Variants in GALNT3 observed in about 807,000 individuals in gnomAD.
GALNT3 encodes the protein GalNAc transferase 3.
In GALNT3, 51 loss-of-function variants were observed where a neutral mutation model predicts 69.8. The ratio of observed to expected loss-of-function variants is 0.73; its 90% confidence interval spans 0.58 to 0.92. The LOEUF is 0.92. Ranked by LOEUF, GALNT3 falls within the 40% of genes least tolerant of loss-of-function variation. The probability of loss-of-function intolerance (pLI) is 0.00; values close to 1 mark genes in which losing one functional copy is unlikely to be tolerated. For synonymous variants in GALNT3, 265 were observed against 248.5 expected (o/e 1.07, Z -0.63); for missense variants, 711 against 760.0 (o/e 0.94, Z 0.76).
intron 2 of GALNT3, among the ~76,000 whole-genome samples, chr2:165,767,622 G>A (rs1688666641): frequency 1.3e-5 from 2 of 152,118 alleles, no homozygotes; most frequent in South Asian, 2.1e-4. Flanking sequence ...TTAAATGTAT[G>A]CTTTGAAAAT....
intron 1 of GALNT3, among the ~76,000 whole-genome samples, chr2:165,776,141 C>T (rs1388062788): frequency 2.0e-5 from 3 of 151,902 alleles, no homozygotes; most frequent in African/African-American, 7.3e-5. Flanking sequence ...AAGACATAAG[C>T]CAAAAGATAC....
At chr2:165,794,429 T>G (rs183553593), upstream of GALNT3, 1 of 152,584 alleles carries the variant, frequency 6.6e-6, no homozygotes, top group Non-Finnish European at 1.5e-5. Flanking sequence ...TCGGCGAGGC[T>G]GCTGCTCCGC....
intron 10 of GALNT3, 90 bp downstream of exon 10, chr2:165,749,652 A>G (rs745565747): frequency 1.3e-5 from 14 of 1,100,360 alleles, no homozygotes; most frequent in Non-Finnish European, 2.0e-5. Flanking sequence ...GATAGATAAT[A>G]TTAATGTACC....
At chr2:165,781,982 A>G (rs931942622) in intron 1 of GALNT3, among the ~76,000 whole-genome samples, 1 of 152,158 alleles carries the variant, frequency 6.6e-6, no homozygotes, top group African/African-American at 2.4e-5. Context: ...TTTGATAAAG[A>G]TATTACATCT....
intron 1 of GALNT3, among the ~76,000 whole-genome samples, chr2:165,787,871 T>C (rs1683255966): frequency 6.6e-6 from 1 of 152,164 alleles, no homozygotes; most frequent in African/African-American, 2.4e-5. Flanking sequence ...TTTTCACTTT[T>C]AAATGATAAA....
chr2:165,779,935 T>C (rs1008044928), intron 1 of GALNT3, among the ~76,000 whole-genome samples: 7 of 152,186 alleles, frequency 4.6e-5, no homozygotes, highest in African/African-American at 1.2e-4. Flanking sequence ...CAAATCCATA[T>C]GTAGAATACT....
chr2:165,760,520 G>A (rs563935658), intron 4 of GALNT3, among the ~76,000 whole-genome samples: 1 of 152,314 alleles, frequency 6.6e-6, no homozygotes, highest in Admixed American at 6.5e-5. Context: ...AGTGGGTAGT[G>A]GGTAAGAATG....
intron 9 of GALNT3, among the ~76,000 whole-genome samples, chr2:165,754,365 C>T (rs921450148): frequency 1.2e-4 from 16 of 137,110 alleles, no homozygotes; most frequent in South Asian, 2.4e-4. Flanking sequence ...GCTGGGATTA[C>T]AGGCGTGAGC....
At chr2:165,777,562 C>G (rs913157461) in intron 1 of GALNT3, among the ~76,000 whole-genome samples, 1 of 152,088 alleles carries the variant, frequency 6.6e-6, no homozygotes, top group African/African-American at 2.4e-5. Flanking sequence ...GTCATTTCTG[C>G]TTGCATTTAT....
At position 165,759,505 on chromosome 2, in the gene GALNT3, C is replaced by T. The variant is rs765239589; in HGVS notation, c.904G>A (p.Val302Ile). 1.9e-5 allele frequency: 30 copies of T among 1,613,896 alleles called. No individual in the cohort carries two copies. The highest frequency in any genetic ancestry group is 5.0e-5 in the Admixed American group (3 of 59,992). ...TCTATGGATGCAATATCTGGACTTA[C>T]GACAGCCGTGTAGTTCTCAGCTATT... ...ARIAENYTAV[V>I]SPDIASIDLN... is the part of the protein sequence containing the mutation. The change falls in exon 5 of 11, where the codon GTA becomes ATA. Residue 302 changes from valine to isoleucine, a missense_variant. By Grantham distance (29) the Val-to-Ile change is conservative (BLOSUM62 3). Coordinates refer to ENST00000392701, the MANE Select transcript of GALNT3 (RefSeq NM_004482.4).
chr2:165,759,612 A>G (rs757567833), intron 4 of GALNT3, 42 bp from the exon 5 acceptor site: 1 of 1,482,576 alleles, frequency 6.7e-7, no homozygotes, highest in South Asian at 1.2e-5. Flanking sequence ...AAAAACATTG[A>G]AGTTTTTTTC....
intron 1 of GALNT3, among the ~76,000 whole-genome samples, chr2:165,776,650 G>T (rs1682959338): frequency 1.3e-5 from 2 of 152,076 alleles, no homozygotes; most frequent in Non-Finnish European, 2.9e-5. Flanking sequence ...TTATTAATCT[G>T]TAACCTGGTA....
chr2:165,754,549 G>A lies in GALNT3; in HGVS notation c.1626+78C>T, dbSNP rs1688411244. On this transcript the variant is annotated intron_variant, in intron 9 of 10. Coordinates refer to ENST00000392701, the MANE Select transcript of GALNT3 (RefSeq NM_004482.4). ...TTACCCAAGTATAAAGCTGCTGTGG[G>A]ACTTCTGAAAAATAGGCAACATCTC... 8.9e-6 allele frequency: 9 copies of A among 1,016,518 alleles called. No homozygotes were observed. In the Middle Eastern group the frequency reaches 8.1e-4, roughly 91 times the overall value. The allele number at this position is 1,016,518 out of a possible 1,614,324, so 63.0% of individuals were successfully genotyped here. A position where few individuals can be genotyped will look rare whatever the true frequency, so the allele number is the denominator to read the frequency against.
chr2:165,773,190 C>A (rs1688783070), intron 1 of GALNT3, among the ~76,000 whole-genome samples: 2 of 152,130 alleles, frequency 1.3e-5, no homozygotes, highest in African/African-American at 4.8e-5. Flanking sequence ...GTGTCAAGGG[C>A]AGGGGCAGAT....
In GALNT3 at chr2:165,754,608, T is replaced by A; in HGVS notation, c.1626+19A>T. 7 of 1,557,750 alleles carry A rather than the reference T, an allele frequency of 4.5e-6. No individual in the cohort carries two copies. The highest frequency in any genetic ancestry group is 6.2e-6 in the Non-Finnish European group (7 of 1,129,108). On this transcript the variant is annotated intron_variant, in intron 9 of 10. Coordinates refer to ENST00000392701, the MANE Select transcript of GALNT3 (RefSeq NM_004482.4). ...TTGTAAATGCTTTACAAGTGAAGGA[T>A]TTTTAATGCAGTGCTCACCTGGTTT...
At chr2:165,757,903 A>G (rs958242001) in intron 6 of GALNT3, among the ~76,000 whole-genome samples, 1 of 152,184 alleles carries the variant, frequency 6.6e-6, no homozygotes, top group Non-Finnish European at 1.5e-5. Context: ...TGACTCTGCC[A>G]TAGTTACCAA....
chr2:165,748,529 A>T lies in GALNT3; in HGVS notation c.*252T>A, dbSNP rs1245720581. ...CTTTACTTGGAAAATTATTTTCATC[A>T]TACTGTAAACATCTCTTCCCCTACA... On this transcript the variant is annotated 3_prime_UTR_variant, in exon 11 of 11. Coordinates refer to ENST00000392701, the MANE Select transcript of GALNT3 (RefSeq NM_004482.4). The T allele has an allele frequency of 1.7e-5, 8 of 483,432 alleles. No homozygotes were observed. In the East Asian group the frequency reaches 2.9e-4, roughly 17 times the overall value. 29.9% of individuals were successfully genotyped at this position (483,432 alleles called of 1,614,324 possible).
intron 1 of GALNT3, among the ~76,000 whole-genome samples, chr2:165,782,931 T>C (rs1683142863): frequency 6.6e-6 from 1 of 152,174 alleles, no homozygotes; most frequent in Non-Finnish European, 1.5e-5. Context: ...AGGGATGCTA[T>C]AGTACTGCTT....
At chr2:165,762,176 G>T in intron 3 of GALNT3, 122 bp from the exon 4 acceptor site, 1 of 769,466 alleles carries the variant, frequency 1.3e-6, no homozygotes, top group East Asian at 2.6e-5. Flanking sequence ...AGTTGCATGT[G>T]TCCTTCCAGC....
Sources: gnomAD v4.1 joint callset for allele counts (sites outside exome capture counted in the v4.1 genomes callset) on GRCh38, gnomAD v4.1.1 for gene constraint, MANE v1.5 for transcripts, NCBI Gene and HGNC (gene_info 2026-07-23, HGNC 2026-07-21) for gene names.